The following LRMDA variants were observed in gnomAD, a reference collection of about 807,000 sequenced individuals.
LRMDA encodes leucine rich melanocyte differentiation associated.
In LRMDA, 18 loss-of-function variants were observed where a neutral mutation model predicts 29.8. That is an observed-to-expected ratio of 0.60 (90% CI 0.42 to 0.90). The LOEUF (loss-of-function observed/expected upper bound fraction) is 0.90, where lower values mean the gene tolerates loss of function less well. LRMDA is among the 40% of genes least tolerant of loss of function. The pLI, the probability that LRMDA is intolerant of heterozygous loss-of-function variation, is 0.00. For missense variants in LRMDA, 273 were observed against 273.9 expected, an observed-to-expected ratio of 1.00 and a Z score of 0.02; for synonymous variants, 125 against 109.4, an observed-to-expected ratio of 1.14 and a Z score of -0.89.
In LRMDA at chr10:76,468,525, G is replaced by A. The variant is rs115270815; in HGVS notation, c.602-88684G>A. On this transcript the variant is annotated intron_variant, in intron 6 of 6. Transcript: ENST00000611255. The stretch of plus-strand genomic sequence containing the variant: ...CTTTCTGAATAGTCTTAGAGAAGCT[G>A]TAAACCTTGCATAGAACAGGAAAGA... Among the ~76,000 whole-genome samples the A allele has an allele frequency of 9.1e-3, 1,385 of 152,282 alleles. 18 individuals carry two copies. The highest frequency in any genetic ancestry group is 0.032 in the African/African-American group (1,329 of 41,552).
At chr10:75,545,340 A>G (rs1208978352) in intron 2 of LRMDA, among the ~76,000 whole-genome samples, 2 of 152,190 alleles carry the variant, frequency 1.3e-5, no homozygotes, top group Non-Finnish European at 2.9e-5. Flanking sequence ...GGTTGGGCAG[A>G]AAGAAAAAAA....
chr10:76,007,031 T>TGCGCGC (rs796539226), intron 2 of LRMDA, among the ~76,000 whole-genome samples: 9 of 26,964 alleles, frequency 3.3e-4, no homozygotes, highest in African/African-American at 9.2e-4. Flanking sequence ...TGTGTGTGTG[T>TGCGCGC]GCGCGTGTGT....
chr10:75,932,430 G>T (rs1263568702), intron 2 of LRMDA, among the ~76,000 whole-genome samples: 1 of 152,068 alleles, frequency 6.6e-6, no homozygotes, highest in Non-Finnish European at 1.5e-5. Flanking sequence ...CTGGCAACAT[G>T]GGGAGACTTC....
chr10:75,868,962 A>G (rs1186870070), intron 2 of LRMDA, among the ~76,000 whole-genome samples: 1 of 152,170 alleles, frequency 6.6e-6, no homozygotes, highest in Non-Finnish European at 1.5e-5. Flanking sequence ...TTTAAGAAAA[A>G]GGGTAAAGGC....
intron 2 of LRMDA, among the ~76,000 whole-genome samples, chr10:75,999,532 T>C (rs913144890): frequency 6.6e-6 from 1 of 152,214 alleles, no homozygotes; most frequent in Non-Finnish European, 1.5e-5. Flanking sequence ...ATATGCATGC[T>C]TGAACAATGT....
chr10:76,433,918 T>C (rs1240728080), intron 6 of LRMDA, among the ~76,000 whole-genome samples: 4 of 152,184 alleles, frequency 2.6e-5, no homozygotes, highest in Non-Finnish European at 4.4e-5. Context: ...GGAAATTCAG[T>C]CTCTCACCTT....
At position 75,438,494 on chromosome 10, in the gene LRMDA, G is replaced by A. The variant is rs1844288291; in HGVS notation, c.131G>A (p.Arg44Lys). ...CTTGATCTGAGCTTTAACCTTCTGA[G>A]GTATGTAACCTTCACAAGATGTAGG... Reference protein sequence around the residue: ...KRLDLSFNLLRSLEGLSAFRS... With the variant: ...KRLDLSFNLLKSLEGLSAFRS... The change falls in exon 2 of 7, where the codon AGG (arginine) becomes AAG (lysine). Residue 44 changes from arginine to lysine, a missense_variant and splice_region_variant. Coordinates refer to ENST00000611255, the MANE Select transcript of LRMDA (RefSeq NM_001305581.2). The A allele has an allele frequency of 6.5e-7, 1 of 1,550,314 alleles. No individual in the cohort carries two copies. Among genetic ancestry groups the A allele is most frequent in the Non-Finnish European group, 8.7e-7 (1 of 1,146,686 alleles).
At chr10:76,205,707 T>C (rs77225578) in intron 5 of LRMDA, among the ~76,000 whole-genome samples, 5,399 of 152,130 alleles carry the variant, frequency 0.035, 329 homozygotes, top group African/African-American at 0.12. Context: ...TGAGGAGAAA[T>C]TGTCAGTATG....
chr10:76,412,745 C>T (rs1177638304), intron 6 of LRMDA, among the ~76,000 whole-genome samples: 1 of 152,188 alleles, frequency 6.6e-6, no homozygotes, highest in Non-Finnish European at 1.5e-5. Context: ...CCCCTATGCC[C>T]ACAAACATCC....
chr10:75,873,776 G>A (rs1342718831), intron 2 of LRMDA, among the ~76,000 whole-genome samples: 1 of 152,120 alleles, frequency 6.6e-6, no homozygotes, highest in Non-Finnish European at 1.5e-5. Context: ...TTCTCTCTAA[G>A]CTCTGGCAGT....
At chr10:75,840,602 TTGTA>T (rs1844522562) in intron 2 of LRMDA, among the ~76,000 whole-genome samples, 1 of 152,216 alleles carries the variant, frequency 6.6e-6, no homozygotes, top group African/African-American at 2.4e-5. Flanking sequence ...CGCACGTGTG[TTGTA>T]TGTATCTGTT....
chr10:75,624,010 G>A (rs192481516), intron 2 of LRMDA, among the ~76,000 whole-genome samples: 94 of 152,248 alleles, frequency 6.2e-4, no homozygotes, highest in African/African-American at 2.1e-3. Flanking sequence ...AATTGATCGG[G>A]AATATACGGA....
intron 5 of LRMDA, among the ~76,000 whole-genome samples, chr10:76,138,960 A>G (rs1026985948): frequency 6.6e-6 from 1 of 152,176 alleles, no homozygotes; most frequent in Non-Finnish European, 1.5e-5. Context: ...TCGGCAATAT[A>G]AAAGAGTTAC....
At chr10:76,525,712 C>A (rs892814053) in intron 6 of LRMDA, among the ~76,000 whole-genome samples, 2 of 152,066 alleles carry the variant, frequency 1.3e-5, no homozygotes, top group African/African-American at 4.8e-5. Context: ...ACATATAATA[C>A]AATACTTGAT....
At chr10:75,479,351 C>CA (rs1844832016) in intron 2 of LRMDA, among the ~76,000 whole-genome samples, 1 of 151,994 alleles carries the variant, frequency 6.6e-6, no homozygotes, top group South Asian at 2.1e-4. Context: ...ACTAAAAATA[C>CA]AAAAAATTAG....
At chr10:76,548,968 T>C (rs1003516453) in intron 6 of LRMDA, among the ~76,000 whole-genome samples, 1 of 152,206 alleles carries the variant, frequency 6.6e-6, no homozygotes, top group African/African-American at 2.4e-5. Context: ...GAGTAGAGAA[T>C]GTCACTAAGG....
intron 5 of LRMDA, among the ~76,000 whole-genome samples, chr10:76,066,820 C>A (rs1384098139): frequency 6.6e-6 from 1 of 152,102 alleles, no homozygotes; most frequent in East Asian, 1.9e-4. Context: ...TGAGGAGGAA[C>A]CTTGGCAGAG....
intron 2 of LRMDA, among the ~76,000 whole-genome samples, chr10:75,630,698 A>G (rs1389937241): frequency 6.6e-6 from 1 of 152,256 alleles, no homozygotes; most frequent in East Asian, 1.9e-4. Flanking sequence ...ATAAACATAC[A>G]TATATATCAC....
intron 2 of LRMDA, among the ~76,000 whole-genome samples, chr10:75,506,460 TA>T (rs1227006970): frequency 1.6e-5 from 2 of 127,398 alleles, no homozygotes; most frequent in Non-Finnish European, 3.3e-5. Flanking sequence ...ATCATTCATT[TA>T]TTTTTTTCAT....
Sources: allele counts gnomAD v4.1 joint callset (sites outside exome capture counted in the v4.1 genomes callset), GRCh38; gene constraint gnomAD v4.1.1; transcripts MANE v1.5; gene names NCBI Gene and HGNC (gene_info 2026-07-23, HGNC 2026-07-21).